The following NKD2 variants were observed in gnomAD, a reference collection of about 807,000 sequenced individuals.
NKD2 encodes protein naked cuticle homolog 2.
In NKD2, 43 loss-of-function variants were observed where a neutral mutation model predicts 34.8. The observed-to-expected ratio is 1.24, with a 90% CI of 0.97 to 1.60. NKD2 has a LOEUF of 1.60. Ranked by LOEUF, NKD2 falls within the 40% of genes most tolerant of loss-of-function variation. The probability of loss-of-function intolerance (pLI) is 0.00; values close to 1 mark genes in which losing one functional copy is unlikely to be tolerated. For synonymous variants in NKD2, 278 were observed against 265.1 expected (o/e 1.05, Z -0.47); for missense variants, 675 against 627.1 (o/e 1.08, Z -0.82).
At chr5:1,014,371 G>A (rs556339738) in intron 3 of NKD2, among the ~76,000 whole-genome samples, 3 of 152,304 alleles carry the variant, frequency 2.0e-5, no homozygotes, top group East Asian at 1.9e-4. Flanking sequence ...AGACGCACAC[G>A]CGACTCCTGG....
At chr5:1,030,991 C>T (rs1223762948) in intron 3 of NKD2, among the ~76,000 whole-genome samples, 1 of 152,128 alleles carries the variant, frequency 6.6e-6, no homozygotes, top group Non-Finnish European at 1.5e-5. Flanking sequence ...TGGTCCCTCT[C>T]TCCCCACCCA....
chr5:1,033,763 C>A lies in NKD2; in HGVS notation c.330+264C>A, dbSNP rs1025928968. ...CAAATAACTTGAGCCGCATTCCCAGCCTTGGTGCCCTTGGCACTACAGGAG... is the reference window on the plus strand; with the variant it reads ...CAAATAACTTGAGCCGCATTCCCAGACTTGGTGCCCTTGGCACTACAGGAG... On this transcript the variant is annotated intron_variant, in intron 5 of 9. Coordinates refer to ENST00000296849, the MANE Select transcript of NKD2 (RefSeq NM_033120.4). 4.6e-5 allele frequency among the ~76,000 whole-genome samples: 7 copies of A among 152,236 alleles called. 1 individual carries two copies. Among genetic ancestry groups the A allele is most frequent in the Non-Finnish European group, 8.8e-5 (6 of 68,038 alleles).
intron 3 of NKD2, among the ~76,000 whole-genome samples, chr5:1,017,164 G>A (rs534864108): frequency 4.5e-4 from 68 of 152,330 alleles, no homozygotes; most frequent in African/African-American, 1.5e-3. Flanking sequence ...TGCCCCTGGT[G>A]GCCTCCCTGC....
chr5:1,037,791 ACCTGTG>A lies in NKD2; in HGVS notation c.788-13_788-8del. 6.4e-7 allele frequency: 1 copy of A among 1,563,474 alleles called. No individual in the cohort carries two copies. The highest frequency in any genetic ancestry group is 8.6e-7 in the Non-Finnish European group (1 of 1,158,540). Reference sequence around the variant, plus strand: ...TGCACTCCCAGGGCCTCACACTCTGACCTGTGTCCGCAGGGTCCCCTCCTGTGCAAG... The same window carrying A: ...TGCACTCCCAGGGCCTCACACTCTGATCCGCAGGGTCCCCTCCTGTGCAAG... On this transcript the variant is annotated splice_polypyrimidine_tract_variant and splice_region_variant and intron_variant, in intron 9 of 9. Transcript: ENST00000296849.
intron 9 of NKD2, 116 bp downstream of exon 9, chr5:1,036,500 C>T: frequency 1.9e-6 from 1 of 520,990 alleles, no homozygotes; most frequent in Non-Finnish European, 3.1e-6. Flanking sequence ...CCGCCCCCCC[C>T]CAACCCCCCC....
In NKD2 at chr5:1,037,870, C is replaced by T. The variant is rs201221334; in HGVS notation, c.853C>T (p.Arg285Cys). 3.4e-5 allele frequency: 54 copies of T among 1,603,098 alleles called. No homozygotes were observed. The highest frequency in any genetic ancestry group is 1.8e-4 in the East Asian group (8 of 44,828). The change falls in exon 10 of 10, where the codon CGC becomes TGC. Residue 285 changes from arginine (R) to cysteine (C), a missense_variant. Physicochemically the swap from Arg to Cys is radical, Grantham distance 180. Transcript: ENST00000296849. ...GRASHLQARS[R>C]SQEPDTHAVH... ...GGCCTCGCACCTCCAGGCCCGGTCCCGCTCCCAGGAGCCAGATACACATGC... is the reference window on the plus strand; with the variant it reads ...GGCCTCGCACCTCCAGGCCCGGTCCTGCTCCCAGGAGCCAGATACACATGC...
intron 9 of NKD2, chr5:1,036,713 T>A (rs994298303): frequency 3.8e-6 from 2 of 521,676 alleles, no homozygotes; most frequent in East Asian, 1.0e-4. Context: ...TGCCTTGGGG[T>A]GAGAAGTCAG....
chr5:1,029,804 G>A (rs1756568339), intron 3 of NKD2, among the ~76,000 whole-genome samples: 1 of 152,226 alleles, frequency 6.6e-6, no homozygotes, highest in Non-Finnish European at 1.5e-5. Context: ...CACTGCTGCT[G>A]CCCCTCATCT....
Position 1,038,531 on chromosome 5 carries a change from AGGT to A in NKD2, c.*163_*165del, listed in dbSNP as rs1412081903. The A allele has an allele frequency of 5.5e-6, 8 of 1,455,190 alleles. No homozygotes were observed. The East Asian group carries it at 7.4e-5, about 14-fold the overall frequency. 90.1% of individuals were successfully genotyped at this position (1,455,190 alleles called of 1,614,324 possible). A position where few individuals can be genotyped will look rare whatever the true frequency, so the allele number is the denominator to read the frequency against. ...CTGACTGCAGGTGCTGGCATGATGG[AGGT>A]GGTGCACCTTGGACACGTGGACAAG... On this transcript the variant is annotated 3_prime_UTR_variant, in exon 10 of 10. Coordinates refer to ENST00000296849, the MANE Select transcript of NKD2 (RefSeq NM_033120.4). This position sits in a 1 kb window ranked among gnomAD's most constrained non-coding sequence, Gnocchi z 4.5.
intron 3 of NKD2, among the ~76,000 whole-genome samples, chr5:1,013,951 CT>C (rs997438608): frequency 1.9e-4 from 29 of 152,332 alleles, no homozygotes; most frequent in African/African-American, 7.0e-4. Flanking sequence ...CAGAGCGTCC[CT>C]GCCACAGGGC....
Position 1,033,421 on chromosome 5 carries a change from C to T in NKD2, c.252C>T (p.Leu84=), listed in dbSNP as rs568046926. 2 of 1,591,686 alleles carry T rather than the reference C, an allele frequency of 1.3e-6. No homozygotes were observed. Among genetic ancestry groups the T allele is most frequent in the African/African-American group, 1.3e-5 (1 of 74,184 alleles). ...AGGGCCGCGAGCACCCGGGACAACT[C>T]CTCAGCGCAGATGACGGAGAGAGGG... ...KAEGREHPGQ[L]LSADDGERAA... Residue 84 remains leucine, a synonymous_variant, in exon 5 of 10, where the codon CTC becomes CTT. Coordinates refer to ENST00000296849, the MANE Select transcript of NKD2 (RefSeq NM_033120.4).
intron 3 of NKD2, among the ~76,000 whole-genome samples, chr5:1,017,924 G>A (rs978613607): frequency 6.6e-6 from 1 of 152,074 alleles, no homozygotes; most frequent in African/African-American, 2.4e-5. Flanking sequence ...AGGGCCTGTG[G>A]TGCTGGGGTG....
intron 3 of NKD2, among the ~76,000 whole-genome samples, chr5:1,028,803 G>A (rs11743637): frequency 0.38 from 57,169 of 150,876 alleles, 12,024 homozygotes; most frequent in Middle Eastern, 0.47. Context: ...TTGGGCCCTC[G>A]GGAGGGAGTG....
Position 1,038,508 on chromosome 5 carries a change from GA to G in NKD2, c.*136del. On this transcript the variant is annotated 3_prime_UTR_variant, in exon 10 of 10. Transcript: ENST00000296849. The surrounding 1 kb of genome is among the most constrained non-coding windows in gnomAD (Gnocchi z 4.5). ...CCACCTCCGACAGCAAACAGCAACT[GA>G]CTGCAGGTGCTGGCATGATGGAGGT... is the stretch of plus-strand genomic sequence containing the variant. 6.6e-7 allele frequency: 1 copy of G among 1,509,476 alleles called. No homozygotes were observed. The highest frequency in any genetic ancestry group is 8.9e-7 in the Non-Finnish European group (1 of 1,125,632). 93.5% of individuals were successfully genotyped at this position (1,509,476 alleles called of 1,614,324 possible). A position where few individuals can be genotyped will look rare whatever the true frequency, so the allele number is the denominator to read the frequency against.
rs761285847 is a variant in NKD2 at position 1,038,550 on chromosome 5, C to T, written c.*177C>T. 86 of 1,341,274 alleles carry T rather than the reference C, an allele frequency of 6.4e-5. 2 individuals are homozygous for T. The highest frequency in any genetic ancestry group is 2.7e-4 in the South Asian group (21 of 79,124). 83.1% of individuals were successfully genotyped at this position (1,341,274 alleles called of 1,614,324 possible). A position where few individuals can be genotyped will look rare whatever the true frequency, so the allele number is the denominator to read the frequency against. ...TGATGGAGGTGGTGCACCTTGGACA[C>T]GTGGACAAGGCCCAGGCGCCCTCTG... On this transcript the variant is annotated 3_prime_UTR_variant, in exon 10 of 10. Coordinates refer to ENST00000296849, the MANE Select transcript of NKD2 (RefSeq NM_033120.4). This position sits in a 1 kb window ranked among gnomAD's most constrained non-coding sequence, Gnocchi z 4.5.
At chr5:1,019,048 C>T (rs897978163) in intron 3 of NKD2, among the ~76,000 whole-genome samples, 11 of 152,192 alleles carry the variant, frequency 7.2e-5, no homozygotes, top group African/African-American at 2.7e-4. Flanking sequence ...AGCGACCAGG[C>T]CAGAGCGTCA....
chr5:1,019,485 G>T (rs572563010), intron 3 of NKD2, among the ~76,000 whole-genome samples: 2 of 152,344 alleles, frequency 1.3e-5, no homozygotes, highest in East Asian at 3.9e-4. Context: ...AAAGCCGCAG[G>T]TGGCCACTGG....
At chr5:1,016,105 C>CG (rs1755939742) in intron 3 of NKD2, among the ~76,000 whole-genome samples, 1 of 152,198 alleles carries the variant, frequency 6.6e-6, no homozygotes, top group African/African-American at 2.4e-5. Context: ...GATCCCCCCC[C>CG]ACACCGGACA....
In NKD2 at chr5:1,009,236, C is replaced by A. The variant is rs1029770981; in HGVS notation, c.61+22C>A. On this transcript the variant is annotated intron_variant, in intron 2 of 9. Coordinates refer to ENST00000296849, the MANE Select transcript of NKD2 (RefSeq NM_033120.4). This position sits in a 1 kb window ranked among gnomAD's most constrained non-coding sequence, Gnocchi z 6.9. ...GAAGGTGAGCGGGCGAGCCGACGGG[C>A]GGGGCGGGGGGCGGCGACCCGGCCC... The A allele has an allele frequency of 1.0e-5, 5 of 493,216 alleles. No individual in the cohort carries two copies. Among genetic ancestry groups the A allele is most frequent in the Non-Finnish European group, 1.4e-5 (4 of 283,622 alleles). The allele number at this position is 493,216 out of a possible 1,614,324, so 30.6% of individuals were successfully genotyped here.
Sources: gnomAD v4.1 joint callset for allele counts (sites outside exome capture counted in the v4.1 genomes callset) on GRCh38, gnomAD v4.1.1 for gene constraint, Gnocchi (gnomAD v3.1) non-coding constraint, MANE v1.5 for transcripts, NCBI Gene and HGNC (gene_info 2026-07-23, HGNC 2026-07-21) for gene names.